KCNIP4: variants seen among roughly 807,000 people sequenced by gnomAD.
KCNIP4 encodes the protein Kv channel-interacting protein 4.
In KCNIP4, 12 loss-of-function variants were observed where a neutral mutation model predicts 34.0. The observed-to-expected ratio is 0.35, with a 90% CI of 0.23 to 0.57. The LOEUF (loss-of-function observed/expected upper bound fraction) is 0.57, where lower values mean the gene tolerates loss of function less well. Ranked by LOEUF, KCNIP4 falls within the 20% of genes least tolerant of loss-of-function variation. The pLI, the probability that KCNIP4 is intolerant of heterozygous loss-of-function variation, is 0.83. For missense variants in KCNIP4, 238 were observed against 311.7 expected, an observed-to-expected ratio of 0.76 and a Z score of 1.78; for synonymous variants, 124 against 102.2, an observed-to-expected ratio of 1.21 and a Z score of -1.29.
chr4:21,326,860 T>A (rs1008620369), intron 1 of KCNIP4, among the ~76,000 whole-genome samples: 1 of 152,048 alleles, frequency 6.6e-6, no homozygotes, highest in African/African-American at 2.4e-5. Context: ...TAATACCTTA[T>A]AACCTATTAT....
At chr4:21,909,352 T>G (rs1467321934) in intron 1 of KCNIP4, among the ~76,000 whole-genome samples, 2 of 152,040 alleles carry the variant, frequency 1.3e-5, no homozygotes, top group Admixed American at 6.6e-5. Context: ...TGCCTGGAAT[T>G]TTCTTCTCCC....
intron 1 of KCNIP4, among the ~76,000 whole-genome samples, chr4:21,089,027 T>C (rs376476143): frequency 1.3e-5 from 2 of 152,228 alleles, no homozygotes; most frequent in African/African-American, 4.8e-5. Context: ...TAACTTCAGA[T>C]AGGTTAACTA....
intron 1 of KCNIP4, among the ~76,000 whole-genome samples, chr4:21,751,525 T>C (rs1237038700): frequency 6.6e-6 from 1 of 152,178 alleles, no homozygotes; most frequent in Non-Finnish European, 1.5e-5. Context: ...GAACAAGATT[T>C]GAAAATTGCT....
chr4:21,176,851 A>G (rs1258371457), intron 1 of KCNIP4, among the ~76,000 whole-genome samples: 2 of 152,192 alleles, frequency 1.3e-5, no homozygotes, highest in East Asian at 3.9e-4. Flanking sequence ...CCTTCCTAGG[A>G]CATCAAAACA....
At chr4:21,235,890 G>C (rs887352432) in intron 1 of KCNIP4, among the ~76,000 whole-genome samples, 3 of 152,114 alleles carry the variant, frequency 2.0e-5, no homozygotes, top group Admixed American at 6.6e-5. Flanking sequence ...GCATTGCCTA[G>C]GTACAGTCTT....
chr4:21,057,061 T>C lies in KCNIP4; in HGVS notation c.62-174352A>G, dbSNP rs114533475. ...TTTCACAGTGTGGATGCTATTGTTG[T>C]TGCCACTGGGTATCTATGTGGGAAC... On this transcript the variant is annotated intron_variant, in intron 1 of 8. Transcript: ENST00000382152. Among the ~76,000 whole-genome samples, 852 of 152,246 alleles carry C rather than the reference T, an allele frequency of 5.6e-3. 12 individuals are homozygous for C. Among genetic ancestry groups the C allele is most frequent in the African/African-American group, 0.02 (818 of 41,564 alleles).
chr4:21,046,581 T>TTATTTATTTATTTATTTATTTATC (rs1308362986), intron 1 of KCNIP4, among the ~76,000 whole-genome samples: 35 of 149,808 alleles, frequency 2.3e-4, no homozygotes, highest in African/African-American at 5.7e-4. Flanking sequence ...ACTAGCTAAT[T>TTATTTATTTATTTATTTATTTATC]TATTTATTTA....
rs758521492 is a variant in KCNIP4, at chr4:21,948,582, C to T, written c.50G>A (p.Ser17Asn). The T allele has an allele frequency of 6.2e-7, 1 of 1,613,580 alleles. No individual in the cohort carries two copies. The highest frequency in any genetic ancestry group is 1.3e-5 in the African/African-American group (1 of 75,014). Residue 17 changes from serine (S) to asparagine (N), a missense_variant, in exon 1 of 9, where the codon AGC becomes AAC. Coordinates refer to ENST00000382152, the MANE Select transcript of KCNIP4 (RefSeq NM_025221.6). ...ESISAQLEEASSTGGFLYAQN... is the reference protein window; with the variant it reads ...ESISAQLEEANSTGGFLYAQN... The stretch of plus-strand genomic sequence containing the variant: ...TTATTGCATCCTACCGCCTGTAGAG[C>T]TGGCCTCCTCCAGCTGAGCCGAAAT...
At chr4:20,743,886 A>T (rs1234270018) in intron 5 of KCNIP4, among the ~76,000 whole-genome samples, 1 of 152,118 alleles carries the variant, frequency 6.6e-6, no homozygotes, top group Admixed American at 6.6e-5. Flanking sequence ...CAAAGGGCTA[A>T]TATCCAGAAT....
chr4:20,828,785 C>G (rs1222499959), intron 3 of KCNIP4, among the ~76,000 whole-genome samples: 5 of 152,180 alleles, frequency 3.3e-5, no homozygotes, highest in African/African-American at 1.2e-4. Flanking sequence ...TACCTCCATA[C>G]CTACACACAT....
intron 1 of KCNIP4, among the ~76,000 whole-genome samples, chr4:21,782,021 A>G (rs2109214669): frequency 7.0e-6 from 1 of 142,284 alleles, no homozygotes; most frequent in African/African-American, 2.6e-5. Flanking sequence ...AGAAAGGCAG[A>G]GAAAAAATAA....
intron 1 of KCNIP4, among the ~76,000 whole-genome samples, chr4:21,374,871 C>T (rs1390447051): frequency 1.4e-5 from 2 of 147,422 alleles, no homozygotes; most frequent in Admixed American, 6.6e-5. Context: ...GCATGCTCCC[C>T]ATTCCTGTGC....
chr4:21,549,442 T>C (rs1349654126), intron 1 of KCNIP4, among the ~76,000 whole-genome samples: 1 of 151,722 alleles, frequency 6.6e-6, no homozygotes, highest in Non-Finnish European at 1.5e-5. Flanking sequence ...TACTGTGACA[T>C]CTGGTTGTTT....
At chr4:21,142,607 C>T (rs376297577) in intron 1 of KCNIP4, among the ~76,000 whole-genome samples, 4 of 152,176 alleles carry the variant, frequency 2.6e-5, no homozygotes, top group Non-Finnish European at 2.9e-5. Context: ...CTGTACTTAA[C>T]GGCAAAGATC....
intron 1 of KCNIP4, among the ~76,000 whole-genome samples, chr4:21,332,037 T>G (rs1202507618): frequency 6.6e-6 from 1 of 152,028 alleles, no homozygotes; most frequent in Non-Finnish European, 1.5e-5. Flanking sequence ...ATCCAGCAGT[T>G]TAATAGCATT....
intron 3 of KCNIP4, among the ~76,000 whole-genome samples, chr4:20,771,241 C>T (rs771890815): frequency 6.6e-6 from 1 of 151,956 alleles, no homozygotes; most frequent in African/African-American, 2.4e-5. Flanking sequence ...CCTTTTTATT[C>T]CCTGAAGATT....
At chr4:21,275,655 A>C (rs1762394327) in intron 1 of KCNIP4, among the ~76,000 whole-genome samples, 1 of 151,424 alleles carries the variant, frequency 6.6e-6, no homozygotes, top group Non-Finnish European at 1.5e-5. Context: ...CATAACAATA[A>C]ATAGTAGATG....
chr4:21,718,799 A>T (rs1287581992), intron 1 of KCNIP4: 1 of 152,206 alleles, frequency 6.6e-6, no homozygotes, highest in Non-Finnish European at 1.5e-5. Context: ...CTCTATAGCC[A>T]ATGGATAAAT....
chr4:21,699,893 TGA>T (rs1343974502), intron 1 of KCNIP4, among the ~76,000 whole-genome samples: 1 of 151,924 alleles, frequency 6.6e-6, no homozygotes, highest in Non-Finnish European at 1.5e-5. Flanking sequence ...GGAACACATG[TGA>T]GGGGGCATCA....
Sources: gnomAD v4.1 joint callset for allele counts (sites outside exome capture counted in the v4.1 genomes callset) on GRCh38, gnomAD v4.1.1 for gene constraint, MANE v1.5 for transcripts, NCBI Gene and HGNC (gene_info 2026-07-23, HGNC 2026-07-21) for gene names.